PTPRN2: variants seen among roughly 807,000 people sequenced by gnomAD.
The protein encoded by PTPRN2 is protein tyrosine phosphatase receptor type N2.
In PTPRN2, 74 loss-of-function variants were observed where a neutral mutation model predicts 118.8. That is an observed-to-expected ratio of 0.62 (90% CI 0.52 to 0.76). PTPRN2 has a LOEUF of 0.76. PTPRN2 is among the 30% of genes least tolerant of loss of function. PTPRN2 has a pLI of 0.00. For missense variants in PTPRN2, 1,481 were observed against 1,394.4 expected (o/e 1.06, Z -0.99); for synonymous variants, 641 against 608.0 (o/e 1.05, Z -0.80).
chr7:157,546,176 T>A (rs562754852), intron 22 of PTPRN2, among the ~76,000 whole-genome samples: 2 of 152,206 alleles, frequency 1.3e-5, no homozygotes, highest in Non-Finnish European at 2.9e-5. Flanking sequence ...GCTAGGAAGC[T>A]GACTCTGTTA....
intron 21 of PTPRN2, among the ~76,000 whole-genome samples, chr7:157,566,153 T>G (rs921406671): frequency 6.6e-6 from 1 of 152,264 alleles, no homozygotes; most frequent in Non-Finnish European, 1.5e-5. Context: ...GCTAAAAGCA[T>G]GCAGAGGCCC....
chr7:158,134,189 G>A (rs1818618988), intron 8 of PTPRN2, 130 bp from the exon 9 acceptor site: 8 of 1,064,542 alleles, frequency 7.5e-6, no homozygotes, highest in Non-Finnish European at 1.1e-5. Context: ...AGTGTGGGAG[G>A]AAGGCGAAGT....
At chr7:157,564,891 C>T (rs968206765) in intron 21 of PTPRN2, among the ~76,000 whole-genome samples, 29 of 152,244 alleles carry the variant, frequency 1.9e-4, no homozygotes, top group African/African-American at 6.0e-4. Flanking sequence ...AGCCCAAAGC[C>T]GGAAACAACG....
intron 12 of PTPRN2, among the ~76,000 whole-genome samples, chr7:157,741,327 C>T (rs1236523060): frequency 1.3e-5 from 2 of 152,280 alleles, no homozygotes; most frequent in African/African-American, 2.4e-5. Context: ...TGGCTGTTTC[C>T]GGCCAACAAG....
intron 11 of PTPRN2, among the ~76,000 whole-genome samples, chr7:158,018,978 A>C (rs1451964433): frequency 1.3e-5 from 2 of 150,132 alleles, no homozygotes; most frequent in Admixed American, 6.6e-5. Context: ...AAAAAAAAAA[A>C]AAAAAAAAAA....
At chr7:158,029,267 C>T (rs1390132859) in intron 11 of PTPRN2, 1 of 152,024 alleles carries the variant, frequency 6.6e-6, no homozygotes, top group Admixed American at 6.6e-5. Flanking sequence ...GGTCCGTATC[C>T]ACTTGCTAGG....
chr7:158,359,255 C>A (rs189908696), intron 2 of PTPRN2, among the ~76,000 whole-genome samples: 1 of 152,226 alleles, frequency 6.6e-6, no homozygotes, highest in Non-Finnish European at 1.5e-5. Context: ...CCATCACTAA[C>A]GTTGAAAATG....
chr7:158,071,697 G>GTGGTGGTGGAGGTGCTCC (rs1811791293), intron 11 of PTPRN2, among the ~76,000 whole-genome samples: 1 of 116,052 alleles, frequency 8.6e-6, no homozygotes. Context: ...GGAGGTGCTT[G>GTGGTGGTGGAGGTGCTCC]TGGTGGAGGT....
chr7:157,978,937 G>C (rs1802939228), intron 11 of PTPRN2, among the ~76,000 whole-genome samples: 2 of 152,046 alleles, frequency 1.3e-5, no homozygotes, highest in Admixed American at 1.3e-4. Context: ...GGATGTTCTT[G>C]TCTACGACAC....
In PTPRN2 at chr7:158,015,986, T is replaced by C; in HGVS notation, c.1723+65312A>G. ...GTGGGGTCCCAGTGTGTCACCTGCG[T>C]GGCCTTTTCAGGTTCTGGGGGCCTC... On this transcript the variant is annotated intron_variant, in intron 11 of 22. Transcript: ENST00000389418. This position sits in a 1 kb window ranked among gnomAD's most constrained non-coding sequence, Gnocchi z 4.2. Among the ~76,000 whole-genome samples the C allele has an allele frequency of 6.6e-6, 1 of 152,230 alleles. No individual in the cohort carries two copies. The highest frequency in any genetic ancestry group is 1.9e-4 in the East Asian group (1 of 5,176).
intron 2 of PTPRN2, among the ~76,000 whole-genome samples, chr7:158,413,414 T>C (rs1814365495): frequency 6.6e-6 from 1 of 152,250 alleles, no homozygotes. Context: ...AAACATTGTC[T>C]TTAAGGAAAT....
chr7:157,891,487 C>T (rs983627715), intron 12 of PTPRN2, among the ~76,000 whole-genome samples: 1 of 145,602 alleles, frequency 6.9e-6, no homozygotes, highest in Non-Finnish European at 1.5e-5. Flanking sequence ...CCACAGCCCC[C>T]CACCCCCCAT....
intron 21 of PTPRN2, among the ~76,000 whole-genome samples, chr7:157,552,332 C>A (rs1408659017): frequency 6.6e-6 from 1 of 152,170 alleles, no homozygotes; most frequent in African/African-American, 2.4e-5. Flanking sequence ...GGGAAACCTG[C>A]CCTCTCATTT....
In PTPRN2 at chr7:157,673,172, C is replaced by T. The variant is rs1397460376; in HGVS notation, c.2001+9553G>A. Among the ~76,000 whole-genome samples the T allele has an allele frequency of 2.6e-5, 4 of 152,080 alleles. No homozygotes were observed. The South Asian group carries it at 6.2e-4, about 24-fold the overall frequency. ...CCGAGTAGCTGGGATGACACGTGCA[C>T]GCCACCACACCTGGCTAATTTTTGT... On this transcript the variant is annotated intron_variant, in intron 13 of 22. Coordinates refer to ENST00000389418, the MANE Select transcript of PTPRN2 (RefSeq NM_002847.5).
chr7:158,393,860 T>C (rs1254735523), intron 2 of PTPRN2, among the ~76,000 whole-genome samples: 3 of 151,890 alleles, frequency 2.0e-5, no homozygotes, highest in Admixed American at 2.0e-4. Flanking sequence ...TATATCACCT[T>C]CCATCACCTC....
intron 3 of PTPRN2, among the ~76,000 whole-genome samples, chr7:158,260,242 A>G (rs917035838): frequency 2.0e-5 from 3 of 151,970 alleles, no homozygotes; most frequent in Non-Finnish European, 4.4e-5. Context: ...AATGCTGAGG[A>G]CTCTCAGGCC....
chr7:158,524,589 G>A (rs1824629804), intron 1 of PTPRN2, among the ~76,000 whole-genome samples: 1 of 152,088 alleles, frequency 6.6e-6, no homozygotes, highest in African/African-American at 2.4e-5. Context: ...TGAGGAGTGC[G>A]AGGAAAGCTG....
intron 11 of PTPRN2, among the ~76,000 whole-genome samples, chr7:157,914,514 A>G (rs1798285326): frequency 6.6e-6 from 1 of 152,116 alleles, no homozygotes; most frequent in African/African-American, 2.4e-5. Context: ...CATGTGTAAG[A>G]TGTGTAAGAT....
chr7:158,380,611 G>A (rs961648068), intron 2 of PTPRN2, among the ~76,000 whole-genome samples: 2 of 152,174 alleles, frequency 1.3e-5, no homozygotes, highest in African/African-American at 4.8e-5. Flanking sequence ...ACTTTTCCAG[G>A]CACACAGTGC....
Sources: allele counts gnomAD v4.1 joint callset (sites outside exome capture counted in the v4.1 genomes callset), GRCh38; gene constraint gnomAD v4.1.1; non-coding constraint Gnocchi (gnomAD v3.1); transcripts MANE v1.5; gene names NCBI Gene and HGNC (gene_info 2026-07-23, HGNC 2026-07-21).